The following NFIC variants were observed in gnomAD, a reference collection of about 807,000 sequenced individuals.
NFIC encodes the protein nuclear factor 1 C-type.
In NFIC, 12 loss-of-function variants were observed where a neutral mutation model predicts 54.4. The observed-to-expected ratio is 0.22, with a 90% CI of 0.14 to 0.36. The LOEUF (loss-of-function observed/expected upper bound fraction) is 0.36. NFIC is among the 10% of genes least tolerant of loss of function. The pLI is 1.00. For synonymous variants in NFIC, 322 were observed against 319.2 expected, an observed-to-expected ratio of 1.01 and a Z score of -0.09; for missense variants, 575 against 718.2, an observed-to-expected ratio of 0.80 and a Z score of 2.28.
chr19:3,393,427 G>C (rs1436706091), intron 2 of NFIC, among the ~76,000 whole-genome samples: 7 of 152,132 alleles, frequency 4.6e-5, no homozygotes, highest in Non-Finnish European at 8.8e-5. Context: ...AAATCCCCAA[G>C]GCCTGAGTTC....
upstream of NFIC, chr19:3,366,456 C>T (rs117223584): frequency 0.041 from 20,068 of 494,444 alleles, 581 homozygotes; most frequent in South Asian, 0.078. Context: ...AGGCGGGCGG[C>T]GCGAGAGAGG....
rs1367157464 is a variant in NFIC at position 3,467,221 on chromosome 19, C to CG, written c.*4452_*4453insG. On this transcript the variant is annotated 3_prime_UTR_variant, in exon 11 of 11. Transcript: ENST00000443272. ...ACCACACCTATGCCAGGCCCCCCCCCCCACCCCAGTCTCATTCTGGGGTCT... is the reference window on the plus strand; with the variant it reads ...ACCACACCTATGCCAGGCCCCCCCCCGCCACCCCAGTCTCATTCTGGGGTCT... 3 of 129,654 alleles carry CG rather than the reference C, an allele frequency of 2.3e-5. No individual in the cohort carries two copies. Among genetic ancestry groups the CG allele is most frequent in the Non-Finnish European group, 1.7e-5 (1 of 60,272 alleles). 8.0% of individuals were successfully genotyped at this position (129,654 alleles called of 1,614,324 possible).
At position 3,456,574 on chromosome 19, in the gene NFIC, C is replaced by T; in HGVS notation, c.1448C>T (p.Pro483Leu). The T allele has an allele frequency of 6.4e-7, 1 of 1,553,892 alleles. No individual in the cohort carries two copies. Among genetic ancestry groups the T allele is most frequent in the Non-Finnish European group, 8.7e-7 (1 of 1,148,034 alleles). ...GCCTACTCTCCGCCCGACACGTCCC[C>T]TGCAAACCGTTCCTTTGTGGGATTA... ...SPSYSPPDTS[P>L]ANRSFVGLGP... Residue 483 changes from proline (P) to leucine (L), a missense_variant, in exon 10 of 11, where the codon CCT (proline) becomes CTT (leucine). Physicochemically the swap from Pro to Leu is moderately conservative, Grantham distance 98. Transcript: ENST00000443272.
chr19:3,399,143 T>C (rs2081513531), intron 2 of NFIC, among the ~76,000 whole-genome samples: 1 of 152,160 alleles, frequency 6.6e-6, no homozygotes, highest in Non-Finnish European at 1.5e-5. Flanking sequence ...CGTGAGGTCC[T>C]GGAGGGTCCT....
intron 7 of NFIC, among the ~76,000 whole-genome samples, chr19:3,451,676 A>T (rs966738018): frequency 1.3e-5 from 2 of 151,372 alleles, no homozygotes; most frequent in Admixed American, 6.6e-5. Flanking sequence ...TTGCAGAAAG[A>T]GCTTGCCAAC....
intron 6 of NFIC, among the ~76,000 whole-genome samples, chr19:3,437,389 T>G (rs2082220527): frequency 6.7e-6 from 1 of 149,930 alleles, no homozygotes. Flanking sequence ...AAAATTCCTG[T>G]CTCTTTCCGG....
Position 3,452,407 on chromosome 19 carries a change from GAC to G in NFIC, c.1085-69_1085-68del. ...GATGCCGGCAGGAATGACACCCACAGACACACAGTCACACGGTCACAGAGCAG... is the reference window on the plus strand; with the variant it reads ...GATGCCGGCAGGAATGACACCCACAGACACAGTCACACGGTCACAGAGCAG... On this transcript the variant is annotated intron_variant, in intron 7 of 10. Transcript: ENST00000443272. This position sits in a 1 kb window ranked among gnomAD's most constrained non-coding sequence, Gnocchi z 5.3. The G allele has an allele frequency of 1.3e-6, 2 of 1,558,520 alleles. No individual in the cohort carries two copies. The highest frequency in any genetic ancestry group is 1.7e-6 in the Non-Finnish European group (2 of 1,146,190).
chr19:3,460,408 G>A (rs2082622024), intron 10 of NFIC, among the ~76,000 whole-genome samples: 1 of 152,286 alleles, frequency 6.6e-6, no homozygotes, highest in East Asian at 1.9e-4. Context: ...ACTTCTCTGG[G>A]CCTCACTTTC....
intron 2 of NFIC, among the ~76,000 whole-genome samples, chr19:3,404,631 C>T (rs989077692): frequency 6.6e-6 from 1 of 151,928 alleles, no homozygotes; most frequent in Admixed American, 6.6e-5. Context: ...GCCGGGTGCC[C>T]GAGGCCGGTG....
At chr19:3,405,640 C>T (rs2081636541) in intron 2 of NFIC, among the ~76,000 whole-genome samples, 2 of 152,044 alleles carry the variant, frequency 1.3e-5, no homozygotes, top group African/African-American at 4.8e-5. Flanking sequence ...ACTCTTGTTG[C>T]CTAGGCTGGA....
intron 6 of NFIC, among the ~76,000 whole-genome samples, chr19:3,438,975 G>T (rs568478373): frequency 6.6e-6 from 1 of 152,076 alleles, no homozygotes; most frequent in Non-Finnish European, 1.5e-5. Flanking sequence ...GGACCTCCCC[G>T]AGGAGGAGAA....
intron 2 of NFIC, among the ~76,000 whole-genome samples, chr19:3,412,977 C>G (rs893836392): frequency 2.0e-5 from 3 of 152,104 alleles, no homozygotes; most frequent in African/African-American, 4.8e-5. Flanking sequence ...GCAGAAGGGA[C>G]CTTTGACAGT....
chr19:3,366,485 G>A, upstream of NFIC: 1 of 515,804 alleles, frequency 1.9e-6, no homozygotes, highest in Non-Finnish European at 3.3e-6. Flanking sequence ...GAGGGAGGAG[G>A]AGGGAGACCG....
Position 3,463,072 on chromosome 19 carries a change from C to T in NFIC, c.*303C>T. 5 of 1,315,456 alleles carry T rather than the reference C, an allele frequency of 3.8e-6. No homozygotes were observed. Among genetic ancestry groups the T allele is most frequent in the Non-Finnish European group, 4.8e-6 (5 of 1,033,826 alleles). The allele number at this position is 1,315,456 out of a possible 1,614,324, so 81.5% of individuals were successfully genotyped here. A position where few individuals can be genotyped will look rare whatever the true frequency, so the allele number is the denominator to read the frequency against. On this transcript the variant is annotated 3_prime_UTR_variant, in exon 11 of 11. Coordinates refer to ENST00000443272, the MANE Select transcript of NFIC (RefSeq NM_001245002.2). Reference sequence around the variant, plus strand: ...CGCAGGACTGGAGGGCCAGGCCCCGCCACCCCCACGGGAGACCCGGGACAG... The same window carrying T: ...CGCAGGACTGGAGGGCCAGGCCCCGTCACCCCCACGGGAGACCCGGGACAG...
intron 2 of NFIC, among the ~76,000 whole-genome samples, chr19:3,396,445 C>T (rs917642931): frequency 1.1e-4 from 15 of 140,594 alleles, no homozygotes; most frequent in African/African-American, 2.2e-4. Flanking sequence ...GCACTCCAGC[C>T]GGGGCAACAG....
intron 6 of NFIC, among the ~76,000 whole-genome samples, chr19:3,439,850 G>A (rs2082265564): frequency 1.3e-5 from 2 of 151,354 alleles, no homozygotes; most frequent in African/African-American, 2.4e-5. Flanking sequence ...CACCATGCCC[G>A]GCTAATTTTT....
chr19:3,431,684 T>C (rs1156554197), intron 3 of NFIC, among the ~76,000 whole-genome samples: 1 of 151,902 alleles, frequency 6.6e-6, no homozygotes, highest in African/African-American at 2.4e-5. Context: ...TCGTATTTTT[T>C]GTAGACACAG....
At chr19:3,383,924 T>C (rs958329679) in intron 2 of NFIC, among the ~76,000 whole-genome samples, 2 of 152,166 alleles carry the variant, frequency 1.3e-5, no homozygotes, top group Non-Finnish European at 1.5e-5. Context: ...GTGCCTCAGT[T>C]TCCTCCTTGG....
intron 2 of NFIC, among the ~76,000 whole-genome samples, chr19:3,400,788 G>A (rs988051553): frequency 1.3e-5 from 2 of 152,250 alleles, no homozygotes; most frequent in Non-Finnish European, 2.9e-5. Flanking sequence ...GTTGCAGTGA[G>A]CCGAGATTGT....
Sources: allele counts gnomAD v4.1 joint callset (sites outside exome capture counted in the v4.1 genomes callset), GRCh38; gene constraint gnomAD v4.1.1; non-coding constraint Gnocchi (gnomAD v3.1); transcripts MANE v1.5; gene names NCBI Gene and HGNC (gene_info 2026-07-23, HGNC 2026-07-21).